GRIN2A: variants seen among roughly 807,000 people sequenced by gnomAD.
GRIN2A encodes glutamate receptor ionotropic, NMDA 2A.
GRIN2A carries 22 observed loss-of-function variants against 113.4 expected under a neutral mutation model. The ratio of observed to expected loss-of-function variants is 0.19; its 90% CI spans 0.14 to 0.28. GRIN2A has a LOEUF of 0.28. Among genes scored for constraint, GRIN2A ranks in the 10% least tolerant of loss-of-function variants. GRIN2A has a pLI of 1.00. For missense variants in GRIN2A, 1,502 were observed against 1,887.0 expected, an observed-to-expected ratio of 0.80 and a Z score of 3.78; for synonymous variants, 827 against 738.4, an observed-to-expected ratio of 1.12 and a Z score of -1.94.
intron 2 of GRIN2A, among the ~76,000 whole-genome samples, chr16:9,995,325 CA>C (rs1025461971): frequency 6.6e-6 from 1 of 152,078 alleles, no homozygotes; most frequent in Non-Finnish European, 1.5e-5. Context: ...ATCTGGGGGA[CA>C]AACAAAAGAA....
intron 4 of GRIN2A, among the ~76,000 whole-genome samples, chr16:9,872,264 T>G (rs574518227): frequency 2.0e-5 from 3 of 152,280 alleles, no homozygotes; most frequent in African/African-American, 7.2e-5. Context: ...TAAATGTTGA[T>G]CAAACTCGCT....
intron 2 of GRIN2A, among the ~76,000 whole-genome samples, chr16:10,000,359 G>GTT (rs145830963): frequency 6.6e-6 from 1 of 151,568 alleles, no homozygotes; most frequent in Non-Finnish European, 1.5e-5. Context: ...GAGAAAGAAA[G>GTT]TTTTTTTTTC....
At chr16:10,160,002 T>C (rs993651745) in intron 2 of GRIN2A, among the ~76,000 whole-genome samples, 1 of 152,216 alleles carries the variant, frequency 6.6e-6, no homozygotes, top group African/African-American at 2.4e-5. Flanking sequence ...AAACAGACTC[T>C]TCCCCAGAGT....
chr16:9,945,712 G>A (rs914579182), intron 2 of GRIN2A, among the ~76,000 whole-genome samples: 1 of 152,126 alleles, frequency 6.6e-6, no homozygotes, highest in South Asian at 2.1e-4. Flanking sequence ...ACATAGAAGG[G>A]CTGTCATACA....
intron 2 of GRIN2A, among the ~76,000 whole-genome samples, chr16:10,035,874 C>T (rs34340658): frequency 0.095 from 14,382 of 152,110 alleles, 732 homozygotes; most frequent in South Asian, 0.13. Context: ...CAGGTGCTTG[C>T]CACCATGCCT....
intron 3 of GRIN2A, among the ~76,000 whole-genome samples, chr16:9,932,808 G>C (rs995626745): frequency 7.9e-5 from 12 of 152,142 alleles, no homozygotes; most frequent in Non-Finnish European, 1.5e-4. Context: ...TGAGGGAGCC[G>C]ACGTGGAGTT....
chr16:9,813,644 A>C (rs1460982601), intron 10 of GRIN2A, among the ~76,000 whole-genome samples: 1 of 149,778 alleles, frequency 6.7e-6, no homozygotes, highest in Non-Finnish European at 1.5e-5. Context: ...AAAATCCTTT[A>C]ACGTTGTTTT....
intron 2 of GRIN2A, among the ~76,000 whole-genome samples, chr16:10,026,274 C>T (rs1337526128): frequency 6.6e-6 from 1 of 152,088 alleles, no homozygotes; most frequent in African/African-American, 2.4e-5. Context: ...CCTCAGTTTG[C>T]TCCTCTGTAT....
At chr16:10,006,897 T>C (rs1211016170) in intron 2 of GRIN2A, among the ~76,000 whole-genome samples, 1 of 152,230 alleles carries the variant, frequency 6.6e-6, no homozygotes, top group African/African-American at 2.4e-5. Flanking sequence ...TGTCTTTCTA[T>C]GCCTGGCTTA....
At chr16:10,164,227 C>A (rs1346443103) in intron 2 of GRIN2A, among the ~76,000 whole-genome samples, 3 of 152,356 alleles carry the variant, frequency 2.0e-5, no homozygotes, top group Middle Eastern at 3.4e-3. Context: ...GTGAGTCTCA[C>A]TGGCAAGTCG....
chr16:9,993,907 T>G (rs77944543), intron 2 of GRIN2A, among the ~76,000 whole-genome samples: 2,392 of 152,334 alleles, frequency 0.016, 42 homozygotes, highest in Non-Finnish European at 0.022. Flanking sequence ...GGCTCAGATT[T>G]CGGACACATC....
intron 2 of GRIN2A, among the ~76,000 whole-genome samples, chr16:10,101,624 A>T (rs551513922): frequency 6.6e-6 from 1 of 152,276 alleles, no homozygotes; most frequent in South Asian, 2.1e-4. Flanking sequence ...CTCTCAATCC[A>T]TTATTTGGGA....
rs13331308 is a variant in GRIN2A at position 9,898,801 on chromosome 16, G to T, written c.1008-7701C>A. 2.5e-3 allele frequency among the ~76,000 whole-genome samples: 321 copies of T among 128,946 alleles called. 1 individual carries two copies. The highest frequency in any genetic ancestry group is 3.7e-3 in the African/African-American group (131 of 35,058). The allele number at this position is 128,946 out of a possible 152,430, so 84.6% of individuals were successfully genotyped here. ...CATTTTCACAGAGTGTTTTTTTTTTGTTTTTTTTTTTTCTCTTACAAGCAT... is the reference window on the plus strand; with the variant it reads ...CATTTTCACAGAGTGTTTTTTTTTTTTTTTTTTTTTTTCTCTTACAAGCAT... On this transcript the variant is annotated intron_variant, in intron 3 of 12. Coordinates refer to ENST00000330684, the MANE Select transcript of GRIN2A (RefSeq NM_001134407.3).
At chr16:9,982,875 AT>A in intron 2 of GRIN2A, among the ~76,000 whole-genome samples, 1 of 152,344 alleles carries the variant, frequency 6.6e-6, no homozygotes, top group East Asian at 1.9e-4. Context: ...GTGGAAAATA[AT>A]TTAAAAACCA....
At chr16:9,767,664 T>C (rs1901006017) in intron 12 of GRIN2A, among the ~76,000 whole-genome samples, 1 of 151,834 alleles carries the variant, frequency 6.6e-6, no homozygotes, top group Non-Finnish European at 1.5e-5. Flanking sequence ...GATAAATAGA[T>C]GGATGCATAG....
At chr16:9,981,900 C>T (rs1025967010) in intron 2 of GRIN2A, among the ~76,000 whole-genome samples, 3 of 152,152 alleles carry the variant, frequency 2.0e-5, no homozygotes, top group Admixed American at 6.5e-5. Flanking sequence ...GATTCTCCTA[C>T]CTCAGCCTCC....
Position 9,938,156 on chromosome 16 carries a change from T to C in GRIN2A, c.810A>G (p.Lys270=), listed in dbSNP as rs367543122. ...CAGAAATGAGTCCCGATGGAAACTC[T>C]TTTGGGATGAGCTCCGTGTTCCCAG... is the stretch of plus-strand genomic sequence containing the variant. ...LVSGNTELIP[K]EFPSGLISVS... Residue 270 remains lysine, a synonymous_variant, in exon 3 of 13, where the codon AAA becomes AAG. Transcript: ENST00000330684. 138 of 1,614,106 alleles carry C rather than the reference T, an allele frequency of 8.5e-5. 1 individual carries two copies. In the South Asian group the frequency reaches 1.4e-3, roughly 17 times the overall value.
At chr16:9,807,527 G>C (rs2042007029) in intron 10 of GRIN2A, among the ~76,000 whole-genome samples, 1 of 152,112 alleles carries the variant, frequency 6.6e-6, no homozygotes, top group South Asian at 2.1e-4. Context: ...AGATAGGGAA[G>C]GATTGAAATG....
chr16:10,027,835 GCTC>G (rs2046852245), intron 2 of GRIN2A: 1 of 152,832 alleles, frequency 6.5e-6, no homozygotes, highest in Non-Finnish European at 1.5e-5. Flanking sequence ...TGCCCTGCGT[GCTC>G]CTCCTCTCTC....
Sources: gnomAD v4.1 joint callset for allele counts (sites outside exome capture counted in the v4.1 genomes callset) on GRCh38, gnomAD v4.1.1 for gene constraint, MANE v1.5 for transcripts, NCBI Gene and HGNC (gene_info 2026-07-23, HGNC 2026-07-21) for gene names.